Variants in AUTS2 observed in about 807,000 individuals in gnomAD.
AUTS2 encodes activator of transcription and developmental regulator AUTS2, also known as autism susceptibility gene 2 protein.
Under a neutral mutation model 112.4 loss-of-function variants are expected in AUTS2, and 17 were observed. The observed-to-expected ratio is 0.15, with a 90% CI of 0.10 to 0.23. The LOEUF is 0.23. AUTS2 is among the 10% of genes least tolerant of loss of function. AUTS2 has a pLI of 1.00. For missense variants in AUTS2, 1,510 were observed against 1,701.6 expected (o/e 0.89, Z 1.98); for synonymous variants, 751 against 702.7 (o/e 1.07, Z -1.09).
chr7:70,207,589 TTA>T (rs1298946583), intron 4 of AUTS2, among the ~76,000 whole-genome samples: 2 of 152,226 alleles, frequency 1.3e-5, no homozygotes, highest in African/African-American at 4.8e-5. Context: ...TACTTAGCCT[TTA>T]TAAACCTCAA....
chr7:70,633,922 T>TG (rs1438913722), intron 5 of AUTS2, among the ~76,000 whole-genome samples: 1 of 152,200 alleles, frequency 6.6e-6, no homozygotes, highest in Admixed American at 6.5e-5. Context: ...GGGTGATGGC[T>TG]GTGTCAGGAT....
At chr7:69,739,392 C>T (rs777719720) in intron 1 of AUTS2, among the ~76,000 whole-genome samples, 26 of 152,114 alleles carry the variant, frequency 1.7e-4, no homozygotes, top group Non-Finnish European at 2.6e-4. Context: ...TGAGTCATTC[C>T]GCACCTGCAT....
intron 1 of AUTS2, among the ~76,000 whole-genome samples, chr7:69,696,143 A>G (rs1584089076): frequency 6.6e-6 from 1 of 152,218 alleles, no homozygotes; most frequent in East Asian, 1.9e-4. Context: ...GGACAAATTT[A>G]GTTTTGCAGA....
intron 1 of AUTS2, among the ~76,000 whole-genome samples, chr7:69,856,479 T>G (rs1792725843): frequency 6.6e-6 from 1 of 152,188 alleles, no homozygotes; most frequent in Non-Finnish European, 1.5e-5. Flanking sequence ...TCTCTGTATT[T>G]CAACTTTACA....
At chr7:69,894,403 TA>T (rs1022975696) in intron 1 of AUTS2, among the ~76,000 whole-genome samples, 1 of 152,044 alleles carries the variant, frequency 6.6e-6, no homozygotes, top group African/African-American at 2.4e-5. Context: ...TAAATTGATG[TA>T]AAATAGATTA....
At chr7:70,286,800 A>G (rs1788481155) in intron 4 of AUTS2, among the ~76,000 whole-genome samples, 1 of 152,188 alleles carries the variant, frequency 6.6e-6, no homozygotes, top group African/African-American at 2.4e-5. Flanking sequence ...CATAGGGATC[A>G]TGTTGTCCAG....
At chr7:70,056,177 G>A (rs1004657136) in intron 2 of AUTS2, among the ~76,000 whole-genome samples, 12 of 152,044 alleles carry the variant, frequency 7.9e-5, no homozygotes, top group African/African-American at 2.9e-4. Context: ...TAGTAGAGAC[G>A]GGGTTTCATG....
At chr7:70,140,267 T>G (rs1327879384) in intron 4 of AUTS2, among the ~76,000 whole-genome samples, 1 of 152,200 alleles carries the variant, frequency 6.6e-6, no homozygotes, top group Non-Finnish European at 1.5e-5. Context: ...TTTATTAATG[T>G]TAACAGCCAT....
intron 4 of AUTS2, among the ~76,000 whole-genome samples, chr7:70,354,849 T>C (rs766270567): frequency 6.6e-6 from 1 of 152,262 alleles, no homozygotes; most frequent in Non-Finnish European, 1.5e-5. Flanking sequence ...ACAGGAAATA[T>C]GTTATTAAAA....
chr7:70,299,490 G>A (rs1789104319), intron 4 of AUTS2, among the ~76,000 whole-genome samples: 1 of 152,186 alleles, frequency 6.6e-6, no homozygotes, highest in Non-Finnish European at 1.5e-5. Context: ...TCTCTCACAA[G>A]CTGGTGGGGA....
At chr7:70,415,347 G>A (rs540388261) in intron 4 of AUTS2, among the ~76,000 whole-genome samples, 2 of 152,128 alleles carry the variant, frequency 1.3e-5, no homozygotes, top group Non-Finnish European at 2.9e-5. Flanking sequence ...TGCCTGCCCT[G>A]CTTGCCTAAC....
chr7:70,259,295 G>T (rs531089325), intron 4 of AUTS2, among the ~76,000 whole-genome samples: 1 of 151,162 alleles, frequency 6.6e-6, no homozygotes, highest in African/African-American at 2.4e-5. Context: ...AAAATCTAGA[G>T]CTTGGCTTTT....
At chr7:69,814,848 G>A (rs796171651) in intron 1 of AUTS2, among the ~76,000 whole-genome samples, 7 of 152,334 alleles carry the variant, frequency 4.6e-5, no homozygotes, top group South Asian at 4.1e-4. Context: ...AGAATGCTCC[G>A]CCCTTGACAG....
At chr7:70,106,251 T>C (rs1243627677) in intron 2 of AUTS2, among the ~76,000 whole-genome samples, 1 of 152,158 alleles carries the variant, frequency 6.6e-6, no homozygotes, top group Non-Finnish European at 1.5e-5. Flanking sequence ...GCTCATAATG[T>C]GAATAAGTGA....
At chr7:70,776,768 C>A in intron 13 of AUTS2, 1 of 383,770 alleles carries the variant, frequency 2.6e-6, no homozygotes, top group East Asian at 6.1e-5. Context: ...GCTTCCCACT[C>A]TACCAGGTCT....
intron 2 of AUTS2, among the ~76,000 whole-genome samples, chr7:70,107,529 A>C (rs1338423111): frequency 1.3e-5 from 2 of 148,858 alleles, no homozygotes; most frequent in African/African-American, 4.9e-5. Flanking sequence ...TTTTTAGTAG[A>C]GATGGGGTTT....
At chr7:69,834,547 C>T (rs1791639892) in intron 1 of AUTS2, among the ~76,000 whole-genome samples, 1 of 152,172 alleles carries the variant, frequency 6.6e-6, no homozygotes, top group South Asian at 2.1e-4. Context: ...GGAATTGCTG[C>T]TTTATGACTT....
At chr7:70,544,758 T>C (rs1170089187) in intron 5 of AUTS2, among the ~76,000 whole-genome samples, 2 of 152,050 alleles carry the variant, frequency 1.3e-5, no homozygotes, top group Non-Finnish European at 2.9e-5. Flanking sequence ...TAGGTTAGAG[T>C]CTTAGCAGGT....
chr7:70,685,373 T>C (rs1423908833), intron 5 of AUTS2, among the ~76,000 whole-genome samples: 3 of 147,790 alleles, frequency 2.0e-5, no homozygotes, highest in Non-Finnish European at 3.0e-5. Context: ...CTCAGGAGGC[T>C]GAGGCAGGAG....
Sources: allele counts gnomAD v4.1 joint callset (sites outside exome capture counted in the v4.1 genomes callset), GRCh38; gene constraint gnomAD v4.1.1; transcripts MANE v1.5; gene names NCBI Gene and HGNC (gene_info 2026-07-23, HGNC 2026-07-21).